The following KCNIP4 variants were observed in gnomAD, a reference collection of about 807,000 sequenced individuals.
KCNIP4 encodes the protein Kv channel-interacting protein 4.
Under a neutral mutation model 34.0 loss-of-function variants are expected in KCNIP4, and 12 were observed. The ratio of observed to expected loss-of-function variants is 0.35; its 90% CI spans 0.23 to 0.57. KCNIP4 has a LOEUF of 0.57. KCNIP4 is among the 20% of genes least tolerant of loss of function. The pLI, the probability that KCNIP4 is intolerant of heterozygous loss-of-function variation, is 0.83. For synonymous variants in KCNIP4, 124 were observed against 102.2 expected, an observed-to-expected ratio of 1.21 and a Z score of -1.29; for missense variants, 238 against 311.7, an observed-to-expected ratio of 0.76 and a Z score of 1.78.
At chr4:21,753,448 A>G (rs1717289657) in intron 1 of KCNIP4, among the ~76,000 whole-genome samples, 1 of 152,202 alleles carries the variant, frequency 6.6e-6, no homozygotes, top group Admixed American at 6.5e-5. Context: ...TTCAGATCTC[A>G]TGCCTCAGGC....
At chr4:21,668,268 C>G (rs1274151241) in intron 1 of KCNIP4, among the ~76,000 whole-genome samples, 1 of 151,916 alleles carries the variant, frequency 6.6e-6, no homozygotes, top group Non-Finnish European at 1.5e-5. Context: ...GAGGATGGGT[C>G]AACAGGTTCA....
At chr4:21,000,704 G>A (rs1000973252) in intron 1 of KCNIP4, among the ~76,000 whole-genome samples, 1 of 151,850 alleles carries the variant, frequency 6.6e-6, no homozygotes, top group African/African-American at 2.4e-5. Flanking sequence ...AAAAAAAAAA[G>A]ATAAAATCCC....
At chr4:21,366,900 A>G (rs1252268993) in intron 1 of KCNIP4, among the ~76,000 whole-genome samples, 1 of 152,148 alleles carries the variant, frequency 6.6e-6, no homozygotes, top group African/African-American at 2.4e-5. Context: ...CCTAAAACTT[A>G]TATGTTGAAG....
At chr4:21,752,587 G>C (rs931564684) in intron 1 of KCNIP4, among the ~76,000 whole-genome samples, 3 of 151,140 alleles carry the variant, frequency 2.0e-5, no homozygotes, top group East Asian at 3.9e-4. Flanking sequence ...ACTAGAGGAA[G>C]AAAAAAAAGG....
At chr4:20,983,302 A>G (rs772120612) in intron 1 of KCNIP4, among the ~76,000 whole-genome samples, 10 of 152,172 alleles carry the variant, frequency 6.6e-5, no homozygotes, top group Non-Finnish European at 1.0e-4. Flanking sequence ...TTCAAAGCAC[A>G]TTTTTGCTGA....
intron 1 of KCNIP4, among the ~76,000 whole-genome samples, chr4:21,210,472 A>G (rs945260629): frequency 2.6e-5 from 4 of 152,206 alleles, no homozygotes. Context: ...GAAGACACTC[A>G]ATATAAAAGA....
At chr4:20,772,985 C>T (rs1201430775) in intron 3 of KCNIP4, among the ~76,000 whole-genome samples, 1 of 151,602 alleles carries the variant, frequency 6.6e-6, no homozygotes, top group Non-Finnish European at 1.5e-5. Context: ...GTCCCTCTTG[C>T]ACAAGTTTTT....
intron 1 of KCNIP4, among the ~76,000 whole-genome samples, chr4:21,299,009 T>C (rs1764002957): frequency 6.6e-6 from 1 of 152,142 alleles, no homozygotes; most frequent in Non-Finnish European, 1.5e-5. Flanking sequence ...TATGACTTAC[T>C]AGCTGAGTTA....
chr4:21,228,547 A>G (rs566468665), intron 1 of KCNIP4, among the ~76,000 whole-genome samples: 1 of 152,292 alleles, frequency 6.6e-6, no homozygotes, highest in Non-Finnish European at 1.5e-5. Flanking sequence ...GAAACAGCTT[A>G]AATAAAATGC....
At chr4:21,290,342 C>G (rs1440067474) in intron 1 of KCNIP4, among the ~76,000 whole-genome samples, 2 of 151,774 alleles carry the variant, frequency 1.3e-5, no homozygotes, top group Non-Finnish European at 2.9e-5. Flanking sequence ...CTTTTCTCCT[C>G]CTGGGAAAAA....
At chr4:21,782,748 C>A (rs1466594556) in intron 1 of KCNIP4, among the ~76,000 whole-genome samples, 1 of 151,952 alleles carries the variant, frequency 6.6e-6, no homozygotes, top group African/African-American at 2.4e-5. Context: ...TTTGTAATAG[C>A]CAAAAGACTT....
intron 1 of KCNIP4, among the ~76,000 whole-genome samples, chr4:21,553,363 T>C (rs1477470619): frequency 6.6e-6 from 1 of 152,156 alleles, no homozygotes; most frequent in African/African-American, 2.4e-5. Flanking sequence ...TGTGATAATA[T>C]GTATAAAAAT....
chr4:21,116,995 A>G (rs1268363522), intron 1 of KCNIP4, among the ~76,000 whole-genome samples: 2 of 152,118 alleles, frequency 1.3e-5, no homozygotes, highest in East Asian at 3.9e-4. Context: ...TACAGCTACC[A>G]TCATCTTACT....
intron 1 of KCNIP4, among the ~76,000 whole-genome samples, chr4:21,564,891 C>A (rs1739728298): frequency 6.6e-6 from 1 of 152,072 alleles, no homozygotes; most frequent in Non-Finnish European, 1.5e-5. Context: ...AGAGGGAGAA[C>A]TCCCTCATTA....
chr4:20,944,021 G>C (rs1461070066), intron 1 of KCNIP4, among the ~76,000 whole-genome samples: 2 of 152,184 alleles, frequency 1.3e-5, no homozygotes, highest in South Asian at 2.1e-4. Flanking sequence ...GCCTTGACCA[G>C]TTGCTCTACC....
At chr4:20,788,072 G>A (rs946493078) in intron 3 of KCNIP4, among the ~76,000 whole-genome samples, 1 of 151,550 alleles carries the variant, frequency 6.6e-6, no homozygotes, top group Non-Finnish European at 1.5e-5. Context: ...TCATTTACTT[G>A]TATGTATTGC....
intron 1 of KCNIP4, among the ~76,000 whole-genome samples, chr4:21,560,693 G>T (rs1211503688): frequency 1.3e-5 from 2 of 152,018 alleles, no homozygotes; most frequent in African/African-American, 4.8e-5. Context: ...ATCATTTAAT[G>T]CATCAGCAAT....
chr4:21,048,611 G>A (rs987550870), intron 1 of KCNIP4, among the ~76,000 whole-genome samples: 6 of 152,150 alleles, frequency 3.9e-5, no homozygotes, highest in Admixed American at 3.9e-4. Context: ...TAGAACAGTG[G>A]CTGGTACACA....
intron 3 of KCNIP4, among the ~76,000 whole-genome samples, chr4:20,784,413 A>C (rs1711646123): frequency 6.6e-6 from 1 of 152,148 alleles, no homozygotes; most frequent in South Asian, 2.1e-4. Flanking sequence ...CAAGGTTTAG[A>C]ATCCTCTTTC....
Sources: allele counts gnomAD v4.1 joint callset (sites outside exome capture counted in the v4.1 genomes callset), GRCh38; gene constraint gnomAD v4.1.1; transcripts MANE v1.5; gene names NCBI Gene and HGNC (gene_info 2026-07-23, HGNC 2026-07-21).